Variants in CCDC170 observed in about 807,000 individuals in gnomAD.
CCDC170 encodes coiled-coil domain-containing protein 170.
Under a neutral mutation model 72.6 loss-of-function variants are expected in CCDC170, and 69 were observed. That is an observed-to-expected ratio of 0.95 (90% CI 0.78 to 1.16). The LOEUF (loss-of-function observed/expected upper bound fraction) is 1.16. Ranked by LOEUF, CCDC170 falls within the 50% of genes most tolerant of loss-of-function variation. The pLI is 0.00. For synonymous variants in CCDC170, 300 were observed against 303.9 expected, an observed-to-expected ratio of 0.99 and a Z score of 0.13; for missense variants, 852 against 832.5, an observed-to-expected ratio of 1.02 and a Z score of -0.29.
At chr6:151,555,556 CT>C (rs1415227482) in intron 5 of CCDC170, among the ~76,000 whole-genome samples, 1 of 152,210 alleles carries the variant, frequency 6.6e-6, no homozygotes, top group African/African-American at 2.4e-5. Flanking sequence ...ATTTCCCTGA[CT>C]AGCTAATGTT....
At chr6:151,512,162 G>T (rs796376040) in intron 1 of CCDC170, among the ~76,000 whole-genome samples, 1,962 of 126,186 alleles carry the variant, frequency 0.016, 43 homozygotes, top group African/African-American at 0.051. Context: ...GTTTTTTTTT[G>T]TTTTTTTTTT....
At chr6:151,613,902 T>A (rs547074719) in intron 9 of CCDC170, among the ~76,000 whole-genome samples, 1 of 152,226 alleles carries the variant, frequency 6.6e-6, no homozygotes, top group African/African-American at 2.4e-5. Flanking sequence ...TTTAATATTT[T>A]AAAAACTGGC....
chr6:151,614,448 G>A (rs910924062), intron 9 of CCDC170, among the ~76,000 whole-genome samples: 2 of 151,922 alleles, frequency 1.3e-5, no homozygotes, highest in Non-Finnish European at 2.9e-5. Context: ...GTATGTGTCA[G>A]AATTTCATTC....
chr6:151,567,509 G>A (rs563592107), intron 5 of CCDC170, among the ~76,000 whole-genome samples: 1 of 152,254 alleles, frequency 6.6e-6, no homozygotes, highest in Non-Finnish European at 1.5e-5. Context: ...TGGAATTACA[G>A]GTGTGAGCCA....
rs575987917 is a variant in CCDC170 at position 151,527,293 on chromosome 6, T to C, written c.58-9025T>C. On this transcript the variant is annotated intron_variant, in intron 1 of 10. Coordinates refer to ENST00000239374, the MANE Select transcript of CCDC170 (RefSeq NM_025059.4). The stretch of plus-strand genomic sequence containing the variant: ...ATATGATCAGTTTTTTCACCGTACT[T>C]GATTTTATGCAGAAATGTCTTCTTC... 2.6e-5 allele frequency among the ~76,000 whole-genome samples: 4 copies of C among 152,214 alleles called. No individual in the cohort carries two copies. The South Asian group carries it at 8.3e-4, about 32-fold the overall frequency.
intron 1 of CCDC170, among the ~76,000 whole-genome samples, chr6:151,504,580 GAC>G (rs1782040250): frequency 6.6e-6 from 1 of 152,116 alleles, no homozygotes; most frequent in South Asian, 2.1e-4. Flanking sequence ...TAGAGGGACA[GAC>G]ACAATGAACA....
Position 151,584,225 on chromosome 6 carries a change from C to T in CCDC170, c.1093-1664C>T, listed in dbSNP as rs62444306. 6.8e-3 allele frequency among the ~76,000 whole-genome samples: 1,041 copies of T among 152,316 alleles called. 6 individuals carry two copies. Among genetic ancestry groups the T allele is most frequent in the Non-Finnish European group, 0.01 (706 of 68,022 alleles). On this transcript the variant is annotated intron_variant, in intron 6 of 10. Transcript: ENST00000239374. The stretch of plus-strand genomic sequence containing the variant: ...TGCCTGTAGTTAGCCAATTTCCGGC[C>T]ATCTTCGGTGACTGGGAATCCACTC...
At chr6:151,504,178 A>G (rs1279097160) in intron 1 of CCDC170, among the ~76,000 whole-genome samples, 1 of 152,248 alleles carries the variant, frequency 6.6e-6, no homozygotes, top group Non-Finnish European at 1.5e-5. Flanking sequence ...ATTGTAATAT[A>G]CGCATAGAGA....
At chr6:151,528,821 G>A (rs1782450159) in intron 1 of CCDC170, among the ~76,000 whole-genome samples, 1 of 152,002 alleles carries the variant, frequency 6.6e-6, no homozygotes, top group Non-Finnish European at 1.5e-5. Context: ...CTGGACAACA[G>A]AGTAAGACTC....
Position 151,618,416 on chromosome 6 carries a change from G to T in CCDC170, c.*269G>T. On this transcript the variant is annotated 3_prime_UTR_variant, in exon 11 of 11. Coordinates refer to ENST00000239374, the MANE Select transcript of CCDC170 (RefSeq NM_025059.4). ...ATGAGTTAGATTGGGAAATGGGAGT[G>T]GGAGATAATATTGGGAGGTATCTAT... 2.2e-6 allele frequency: 1 copy of T among 457,964 alleles called. No individual in the cohort carries two copies. 28.4% of individuals were successfully genotyped at this position (457,964 alleles called of 1,614,324 possible). A position where few individuals can be genotyped will look rare whatever the true frequency, so the allele number is the denominator to read the frequency against.
At chr6:151,542,149 G>A (rs909604464) in intron 3 of CCDC170, among the ~76,000 whole-genome samples, 30 of 151,752 alleles carry the variant, frequency 2.0e-4, no homozygotes, top group African/African-American at 7.0e-4. Context: ...CAAAGTGTTA[G>A]GATTATAGAA....
intron 5 of CCDC170, among the ~76,000 whole-genome samples, chr6:151,564,436 C>T (rs922585876): frequency 6.6e-6 from 1 of 151,962 alleles, no homozygotes; most frequent in South Asian, 2.1e-4. Flanking sequence ...CGCAGGGTGG[C>T]ATTTGCTGGC....
chr6:151,604,205 A>G (rs1404445893), intron 9 of CCDC170, among the ~76,000 whole-genome samples: 3 of 152,098 alleles, frequency 2.0e-5, no homozygotes. Flanking sequence ...GCCTCTCCCC[A>G]CATTCCTTCC....
chr6:151,526,845 A>G (rs1256456936), intron 1 of CCDC170, among the ~76,000 whole-genome samples: 1 of 151,930 alleles, frequency 6.6e-6, no homozygotes, highest in Admixed American at 6.6e-5. Flanking sequence ...GAGTGTTAAG[A>G]ATATTTTAGA....
At chr6:151,514,356 GGA>G (rs1782199952) in intron 1 of CCDC170, among the ~76,000 whole-genome samples, 1 of 131,320 alleles carries the variant, frequency 7.6e-6, no homozygotes, top group Non-Finnish European at 1.6e-5. Context: ...AGGGAGGGAG[GGA>G]GGGAGGGAGG....
intron 5 of CCDC170, among the ~76,000 whole-genome samples, chr6:151,564,639 G>T (rs892931801): frequency 3.9e-5 from 6 of 152,198 alleles, no homozygotes; most frequent in African/African-American, 1.4e-4. Flanking sequence ...GCGCCTGCAG[G>T]TTGTGTGTGC....
chr6:151,534,722 A>G (rs1397598868), intron 1 of CCDC170, among the ~76,000 whole-genome samples: 2 of 152,230 alleles, frequency 1.3e-5, no homozygotes, highest in Admixed American at 6.5e-5. Context: ...TTTGTTTGGC[A>G]TTTTGTGGAC....
Position 151,512,162 on chromosome 6 carries a change from G to GTT in CCDC170, c.57+17991_57+17992dup, listed in dbSNP as rs546546640. Among the ~76,000 whole-genome samples, 560 of 126,376 alleles carry GTT rather than the reference G, an allele frequency of 4.4e-3. 4 individuals are homozygous for GTT. Among genetic ancestry groups the GTT allele is most frequent in the African/African-American group, 0.015 (506 of 33,872 alleles). 82.9% of individuals were successfully genotyped at this position (126,376 alleles called of 152,430 possible). A position where few individuals can be genotyped will look rare whatever the true frequency, so the allele number is the denominator to read the frequency against. ...ACCCAGCAGTATACCGTTTTTTTTT[G>GTT]TTTTTTTTTTTTTTTGAGATGGAGT... is the stretch of plus-strand genomic sequence containing the variant. On this transcript the variant is annotated intron_variant, in intron 1 of 10. Transcript: ENST00000239374.
At chr6:151,608,143 T>A (rs187045337) in intron 9 of CCDC170, among the ~76,000 whole-genome samples, 12 of 152,324 alleles carry the variant, frequency 7.9e-5, no homozygotes, top group Admixed American at 2.0e-4. Context: ...TTTTATTAAT[T>A]GAATTCTTCA....
Sources: gnomAD v4.1 joint callset for allele counts (sites outside exome capture counted in the v4.1 genomes callset) on GRCh38, gnomAD v4.1.1 for gene constraint, MANE v1.5 for transcripts, NCBI Gene and HGNC (gene_info 2026-07-23, HGNC 2026-07-21) for gene names.